Variants in TENM3 observed in about 807,000 individuals in gnomAD.
The protein encoded by TENM3 is teneurin-3.
In TENM3, 63 loss-of-function variants were observed where a neutral mutation model predicts 255.1. That is an observed-to-expected ratio of 0.25 (90% confidence interval 0.20 to 0.30). The LOEUF (loss-of-function observed/expected upper bound fraction) is 0.30, where lower values mean the gene tolerates loss of function less well. TENM3 is among the 10% of genes least tolerant of loss of function. The pLI is 1.00. For synonymous variants in TENM3, 1,306 were observed against 1,322.3 expected, an observed-to-expected ratio of 0.99 and a Z score of 0.27; for missense variants, 2,929 against 3,461.1, an observed-to-expected ratio of 0.85 and a Z score of 3.86.
Position 182,789,212 on chromosome 4 carries a change from T to C in TENM3, c.5424T>C (p.Thr1808=). The change falls in exon 25 of 28, where the codon ACT becomes ACC. Residue 1808 remains threonine, a synonymous_variant. Coordinates refer to ENST00000511685, the MANE Select transcript of TENM3 (RefSeq NM_001080477.4). The surrounding 1 kb of genome is among the most constrained non-coding windows in gnomAD (Gnocchi z 4.4). The part of the protein sequence containing the change: ...RIAYDTSGHP[T]LWLPSSKLMA... The stretch of plus-strand genomic sequence containing the variant: ...CCTACGACACGTCTGGGCACCCGAC[T>C]CTCTGGCTGCCAAGCAGCAAGCTGA... 1.9e-6 allele frequency: 3 copies of C among 1,613,602 alleles called. No individual in the cohort carries two copies. Among genetic ancestry groups the C allele is most frequent in the Non-Finnish European group, 2.5e-6 (3 of 1,179,760 alleles).
intron 26 of TENM3, among the ~76,000 whole-genome samples, chr4:182,796,119 C>A (rs772927733): frequency 1.6e-4 from 25 of 152,192 alleles, no homozygotes; most frequent in Admixed American, 2.6e-4. Flanking sequence ...CAGCTTGCAG[C>A]ATTCATCTTT....
chr4:181,990,341 G>A, the TENM3 span, among the ~76,000 whole-genome samples: 5 of 152,112 alleles, frequency 3.3e-5, no homozygotes, highest in Non-Finnish European at 5.9e-5. Context: ...GATAAACTAC[G>A]TGCATACGAT....
At chr4:182,054,915 C>A in the TENM3 span, among the ~76,000 whole-genome samples, 1 of 152,128 alleles carries the variant, frequency 6.6e-6, no homozygotes, top group Non-Finnish European at 1.5e-5. Flanking sequence ...CATGTGAGAG[C>A]TGGAAGAAGA....
At chr4:182,622,272 A>C (rs567356194) in intron 4 of TENM3, among the ~76,000 whole-genome samples, 21 of 150,754 alleles carry the variant, frequency 1.4e-4, no homozygotes, top group African/African-American at 4.9e-4. Flanking sequence ...GGCTCCTCCC[A>C]GGAGGCGGAG....
intron 3 of TENM3, among the ~76,000 whole-genome samples, chr4:182,571,933 G>T (rs183257705): frequency 2.6e-4 from 39 of 152,120 alleles, no homozygotes; most frequent in African/African-American, 8.9e-4. Flanking sequence ...ACAGAGTCTC[G>T]CTCTGTCACC....
At chr4:181,517,385 G>T in the TENM3 span, among the ~76,000 whole-genome samples, 3 of 152,320 alleles carry the variant, frequency 2.0e-5, no homozygotes, top group Admixed American at 6.5e-5. Flanking sequence ...TGGCCCCAGA[G>T]TGTAGAGAAT....
intron 3 of TENM3, among the ~76,000 whole-genome samples, chr4:182,572,616 T>C (rs536499689): frequency 1.3e-5 from 2 of 152,332 alleles, no homozygotes; most frequent in South Asian, 4.1e-4. Flanking sequence ...CAGTGACTCT[T>C]CCCAAATTCT....
chr4:182,340,092 T>C lies in TENM3; in HGVS notation c.233-6559T>C, dbSNP rs561121369. Among the ~76,000 whole-genome samples the C allele has an allele frequency of 1.4e-4, 22 of 152,310 alleles. No individual in the cohort carries two copies. The East Asian group carries it at 3.9e-3, about 27-fold the overall frequency. On this transcript the variant is annotated intron_variant, in intron 2 of 27. Transcript: ENST00000511685. ...CCAAACCTTCCATTCAATATGCATA[T>C]GTTCGTCCTCCCCTGGAGGCCTCAC...
the TENM3 span, among the ~76,000 whole-genome samples, chr4:181,570,035 C>CTTTT: frequency 2.5e-4 from 28 of 113,864 alleles, no homozygotes; most frequent in South Asian, 5.7e-4. Context: ...ACAAATGTTT[C>CTTTT]TTTTTTTTTT....
At chr4:182,074,028 G>T in the TENM3 span, among the ~76,000 whole-genome samples, 1 of 152,164 alleles carries the variant, frequency 6.6e-6, no homozygotes, top group Non-Finnish European at 1.5e-5. Context: ...CAATAGCTCA[G>T]AAATGTTATA....
At chr4:181,652,142 T>TTAAA in the TENM3 span, among the ~76,000 whole-genome samples, 3 of 114,686 alleles carry the variant, frequency 2.6e-5, no homozygotes, top group Non-Finnish European at 5.3e-5. Context: ...CACTTTGGGG[T>TTAAA]AAAAAAAAAA....
chr4:182,094,765 A>T, the TENM3 span, among the ~76,000 whole-genome samples: 1 of 152,178 alleles, frequency 6.6e-6, no homozygotes, highest in Non-Finnish European at 1.5e-5. Context: ...TAAGGTAATG[A>T]CATAATAGTT....
the TENM3 span, among the ~76,000 whole-genome samples, chr4:181,592,562 C>G: frequency 6.6e-6 from 1 of 151,914 alleles, no homozygotes; most frequent in South Asian, 2.1e-4. Flanking sequence ...GAGTTTGTTC[C>G]TGACTTGGGG....
chr4:182,783,514 G>C (rs1227913907), intron 24 of TENM3, among the ~76,000 whole-genome samples: 2 of 151,834 alleles, frequency 1.3e-5, no homozygotes, highest in East Asian at 3.9e-4. Context: ...CAACTTTGGT[G>C]AATCTGACAA....
intron 11 of TENM3, among the ~76,000 whole-genome samples, chr4:182,682,324 T>A (rs1422444704): frequency 6.6e-6 from 1 of 152,110 alleles, no homozygotes; most frequent in Non-Finnish European, 1.5e-5. Context: ...CTCTAAAATC[T>A]TAAGTATAGC....
the TENM3 span, among the ~76,000 whole-genome samples, chr4:181,619,429 A>T: frequency 1.3e-5 from 2 of 152,044 alleles, no homozygotes; most frequent in East Asian, 1.9e-4. Context: ...TTTTTATTTT[A>T]TTTTATTTTA....
intron 3 of TENM3, among the ~76,000 whole-genome samples, chr4:182,359,394 A>T (rs1485957465): frequency 6.6e-6 from 1 of 151,070 alleles, no homozygotes; most frequent in Non-Finnish European, 1.5e-5. Flanking sequence ...CCACAATTTC[A>T]GCTCCTGTTA....
chr4:182,457,894 GC>G (rs1774001490), intron 3 of TENM3, among the ~76,000 whole-genome samples: 1 of 152,132 alleles, frequency 6.6e-6, no homozygotes, highest in South Asian at 2.1e-4. Flanking sequence ...TGCATCCAGT[GC>G]AGTTGTCAAA....
At chr4:181,860,693 A>G in the TENM3 span, among the ~76,000 whole-genome samples, 1 of 152,192 alleles carries the variant, frequency 6.6e-6, no homozygotes, top group East Asian at 1.9e-4. Context: ...TTTCACACAT[A>G]ATATAATATT....
Sources: allele counts gnomAD v4.1 joint callset (sites outside exome capture counted in the v4.1 genomes callset), GRCh38; gene constraint gnomAD v4.1.1; non-coding constraint Gnocchi (gnomAD v3.1); transcripts MANE v1.5; gene names NCBI Gene and HGNC (gene_info 2026-07-23, HGNC 2026-07-21).